PPM1B: variants seen among roughly 807,000 people sequenced by gnomAD.
The protein encoded by PPM1B is protein phosphatase 1B.
Under a neutral mutation model 43.0 loss-of-function variants are expected in PPM1B, and 22 were observed. That is an observed-to-expected ratio of 0.51 (90% CI 0.37 to 0.73). PPM1B has a LOEUF of 0.73. PPM1B is among the 30% of genes least tolerant of loss of function. The pLI, the probability that PPM1B is intolerant of heterozygous loss-of-function variation, is 0.00. For missense variants in PPM1B, 632 were observed against 584.2 expected (o/e 1.08, Z -0.84); for synonymous variants, 217 against 197.9 (o/e 1.10, Z -0.81).
chr2:44,209,135 C>T (rs565099119), intron 2 of PPM1B, 75 bp from the exon 3 acceptor site: 1 of 1,248,932 alleles, frequency 8.0e-7, no homozygotes, highest in East Asian at 2.6e-5. Context: ...ACTATAATTG[C>T]TTAAAGTATT....
At chr2:44,223,585 G>C (rs550296777) in intron 5 of PPM1B, among the ~76,000 whole-genome samples, 2 of 151,934 alleles carry the variant, frequency 1.3e-5, no homozygotes, top group Non-Finnish European at 2.9e-5. Flanking sequence ...CGAGGCAGGA[G>C]GATCACGAGG....
downstream of PPM1B, among the ~76,000 whole-genome samples, chr2:44,231,640 T>A (rs150564732): frequency 1.8e-4 from 27 of 152,280 alleles, no homozygotes; most frequent in African/African-American, 6.5e-4. Context: ...ATATATGTGT[T>A]GCATACTTAA....
intron 1 of PPM1B, among the ~76,000 whole-genome samples, chr2:44,199,334 A>T (rs1668822229): frequency 1.3e-5 from 2 of 149,360 alleles, no homozygotes; most frequent in South Asian, 2.1e-4. Flanking sequence ...TAAAAAAAAA[A>T]AAAATTGAGC....
At chr2:44,211,125 G>C (rs1669446005) in intron 3 of PPM1B, among the ~76,000 whole-genome samples, 1 of 152,106 alleles carries the variant, frequency 6.6e-6, no homozygotes, top group East Asian at 1.9e-4. Context: ...GACAGAGCAA[G>C]ACTCCATCTC....
intron 1 of PPM1B, among the ~76,000 whole-genome samples, chr2:44,197,793 A>G (rs1668732271): frequency 2.6e-5 from 4 of 152,218 alleles, no homozygotes; most frequent in Admixed American, 2.6e-4. Flanking sequence ...GAATATAAAT[A>G]GTGCTAACCT....
chr2:44,189,533 A>C lies in PPM1B; in HGVS notation c.-14-11653A>C, dbSNP rs1248954905. On this transcript the variant is annotated intron_variant, in intron 1 of 5. Coordinates refer to ENST00000282412, the MANE Select transcript of PPM1B (RefSeq NM_002706.6). ...GGCTGGAGTGCAATGGCGCGATCTC[A>C]GCTCACTGCAACCTCTGCCTGCCAG... 2.8e-5 allele frequency among the ~76,000 whole-genome samples: 4 copies of C among 143,674 alleles called. No individual in the cohort carries two copies. In the South Asian group the frequency reaches 8.3e-4, roughly 30 times the overall value. 94.3% of individuals were successfully genotyped at this position (143,674 alleles called of 152,430 possible).
At chr2:44,233,937 G>C (rs778994901), downstream of PPM1B, 1 of 985,230 alleles carries the variant, frequency 1.0e-6, no homozygotes, top group African/African-American at 1.7e-5. Flanking sequence ...ATGGTTTATC[G>C]TTCAAACTGT....
intron 5 of PPM1B, among the ~76,000 whole-genome samples, chr2:44,228,452 A>G (rs1045696821): frequency 6.6e-6 from 1 of 152,106 alleles, no homozygotes; most frequent in Non-Finnish European, 1.5e-5. Flanking sequence ...AATTGCATAC[A>G]CGAGTCACTG....
Position 44,178,353 on chromosome 2 carries a change from A to AAAAG in PPM1B, c.-15+9079_-15+9080insAAAG, listed in dbSNP as rs1667686754. ...CTAGGGAGTAAAATGGCTGAACTGT[A>AAAAG]GGCCATCCTTATCTTATAGCCCTAA... On this transcript the variant is annotated intron_variant, in intron 1 of 5. Coordinates refer to ENST00000282412, the MANE Select transcript of PPM1B (RefSeq NM_002706.6). Among the ~76,000 whole-genome samples, 5 of 151,674 alleles carry AAAAG rather than the reference A, an allele frequency of 3.3e-5. No homozygotes were observed. The South Asian group carries it at 1.0e-3, about 31-fold the overall frequency.
intron 1 of PPM1B, among the ~76,000 whole-genome samples, chr2:44,172,830 C>T (rs887226763): frequency 1.3e-5 from 2 of 152,152 alleles, no homozygotes; most frequent in African/African-American, 4.8e-5. Flanking sequence ...TCGCTTGAGC[C>T]AGGGAGGTCA....
chr2:44,189,293 G>A (rs1668290518), intron 1 of PPM1B, among the ~76,000 whole-genome samples: 1 of 152,128 alleles, frequency 6.6e-6, no homozygotes, highest in African/African-American at 2.4e-5. Flanking sequence ...CTTTTTGTCT[G>A]TATGAGAGGA....
At chr2:44,176,356 A>G (rs1350436797) in intron 1 of PPM1B, among the ~76,000 whole-genome samples, 1 of 152,206 alleles carries the variant, frequency 6.6e-6, no homozygotes, top group Admixed American at 6.5e-5. Flanking sequence ...GTATAGCTGA[A>G]GGATTAGTGG....
intron 1 of PPM1B, among the ~76,000 whole-genome samples, chr2:44,179,549 A>G (rs2104014025): frequency 6.6e-6 from 1 of 152,112 alleles, no homozygotes; most frequent in Non-Finnish European, 1.5e-5. Flanking sequence ...TTAATTTTCC[A>G]TCTTCCTATT....
chr2:44,192,866 G>C (rs1396844871), intron 1 of PPM1B, among the ~76,000 whole-genome samples: 4 of 152,072 alleles, frequency 2.6e-5, no homozygotes, highest in Non-Finnish European at 4.4e-5. Flanking sequence ...TATCCTCCAG[G>C]TTCATCCATG....
chr2:44,187,754 T>A (rs1668193092), intron 1 of PPM1B, among the ~76,000 whole-genome samples: 1 of 152,182 alleles, frequency 6.6e-6, no homozygotes, highest in African/African-American at 2.4e-5. Context: ...GATGTTCACC[T>A]TTACTTTTTT....
rs539444222 is a variant in PPM1B, at chr2:44,169,928, T to C, written c.-15+654T>C. Among the ~76,000 whole-genome samples the C allele has an allele frequency of 4.6e-5, 7 of 151,196 alleles. No homozygotes were observed. In the South Asian group the frequency reaches 1.5e-3, roughly 31 times the overall value. ...CCACTTATTGTCAGTACCCCAAATC[T>C]ACCGGAGCCCCATTAAGAGTATAGA... On this transcript the variant is annotated intron_variant, in intron 1 of 5. Transcript: ENST00000282412.
intron 3 of PPM1B, among the ~76,000 whole-genome samples, chr2:44,212,285 T>G (rs1044086376): frequency 6.6e-6 from 1 of 152,160 alleles, no homozygotes; most frequent in Non-Finnish European, 1.5e-5. Context: ...ATAACTCTCT[T>G]CTACAGAAAG....
At chr2:44,217,847 A>T (rs1023923734) in intron 3 of PPM1B, 120 bp from the exon 4 acceptor site, 1 of 506,514 alleles carries the variant, frequency 2.0e-6, no homozygotes, top group South Asian at 6.6e-5. Flanking sequence ...TTGTGTGTTG[A>T]TGGTAATTTT....
chr2:44,195,476 G>T (rs1302600304), intron 1 of PPM1B, among the ~76,000 whole-genome samples: 1 of 152,058 alleles, frequency 6.6e-6, no homozygotes, highest in East Asian at 1.9e-4. Context: ...GTCCCAAAGT[G>T]CTTGGATTCC....
Sources: allele counts gnomAD v4.1 joint callset (sites outside exome capture counted in the v4.1 genomes callset), GRCh38; gene constraint gnomAD v4.1.1; transcripts MANE v1.5; gene names NCBI Gene and HGNC (gene_info 2026-07-23, HGNC 2026-07-21).